Variants in BCAS3 observed in about 807,000 individuals in gnomAD.
BCAS3 encodes the protein BCAS3 microtubule associated cell migration factor, also known as BCAS4/BCAS3 fusion.
A neutral mutation model predicts 116.1 loss-of-function variants in BCAS3; 53 were observed. That is an observed-to-expected ratio of 0.46 (90% CI 0.37 to 0.57). BCAS3 has a LOEUF of 0.57. BCAS3 is among the 20% of genes least tolerant of loss of function. BCAS3 has a pLI of 0.00. For synonymous variants in BCAS3, 391 were observed against 408.2 expected, an observed-to-expected ratio of 0.96 and a Z score of 0.51; for missense variants, 917 against 1,165.4, an observed-to-expected ratio of 0.79 and a Z score of 3.10.
chr17:61,386,131 A>G (rs2059834005), intron 23 of BCAS3, among the ~76,000 whole-genome samples: 1 of 152,206 alleles, frequency 6.6e-6, no homozygotes, highest in Non-Finnish European at 1.5e-5. Context: ...CATTCTTAGA[A>G]CCAGGCCATG....
intron 6 of BCAS3, among the ~76,000 whole-genome samples, chr17:60,777,731 TC>T (rs1312273266): frequency 2.0e-5 from 3 of 151,998 alleles, no homozygotes; most frequent in African/African-American, 7.3e-5. Context: ...CTCTCTTCAT[TC>T]CCCCACTCTC....
At chr17:61,072,604 G>A (rs373933019) in intron 19 of BCAS3, among the ~76,000 whole-genome samples, 10 of 149,630 alleles carry the variant, frequency 6.7e-5, no homozygotes, top group South Asian at 6.3e-4. Context: ...AGCTAGTTAC[G>A]TAAGGCATGG....
chr17:60,716,586 A>AC (rs2038635609), intron 5 of BCAS3, among the ~76,000 whole-genome samples: 1 of 151,806 alleles, frequency 6.6e-6, no homozygotes, highest in African/African-American at 2.4e-5. Context: ...CTTGGGTGAG[A>AC]CCCCATCTCA....
rs1361499560 is a variant in BCAS3 at position 61,141,235 on chromosome 17, G to A, written c.2425+56671G>A. Among the ~76,000 whole-genome samples the A allele has an allele frequency of 6.6e-6, 1 of 152,090 alleles. No individual in the cohort carries two copies. Among genetic ancestry groups the A allele is most frequent in the East Asian group, 1.9e-4 (1 of 5,194 alleles). ...CTTTACATTCATATGTAGGGCATTTGGTTGCTTAAATATTGAAACAATTAT... is the reference window on the plus strand; with the variant it reads ...CTTTACATTCATATGTAGGGCATTTAGTTGCTTAAATATTGAAACAATTAT... On this transcript the variant is annotated intron_variant, in intron 22 of 23. Transcript: ENST00000407086. This position sits in a 1 kb window ranked among gnomAD's most constrained non-coding sequence, Gnocchi z 4.3.
At chr17:60,767,554 C>T (rs1469494506) in intron 6 of BCAS3, among the ~76,000 whole-genome samples, 2 of 151,824 alleles carry the variant, frequency 1.3e-5, no homozygotes, top group Non-Finnish European at 2.9e-5. Flanking sequence ...ACCATGCTGG[C>T]CAGGCTGGTG....
intron 14 of BCAS3, among the ~76,000 whole-genome samples, chr17:60,982,266 C>G (rs2145403870): frequency 6.6e-6 from 1 of 152,070 alleles, no homozygotes; most frequent in East Asian, 1.9e-4. Context: ...TATTGAATGT[C>G]ATTTTTCTTC....
chr17:61,135,765 CAG>C (rs1180026328), intron 22 of BCAS3: 5 of 152,218 alleles, frequency 3.3e-5, no homozygotes, highest in Admixed American at 2.6e-4. Context: ...TTTAATGCAA[CAG>C]AGTCATGTCT....
chr17:61,360,690 C>T (rs1047228452), intron 22 of BCAS3, among the ~76,000 whole-genome samples: 8 of 152,190 alleles, frequency 5.3e-5, no homozygotes, highest in African/African-American at 1.9e-4. Flanking sequence ...ACCCTAAACC[C>T]AGGATGATCT....
At chr17:61,046,047 A>AAT (rs1225972014) in intron 19 of BCAS3, among the ~76,000 whole-genome samples, 19 of 16,714 alleles carry the variant, frequency 1.1e-3, no homozygotes, top group Non-Finnish European at 6.7e-4. Flanking sequence ...ATATATATAT[A>AAT]ATATATATAT....
chr17:60,718,065 G>A (rs1215016926), intron 5 of BCAS3, among the ~76,000 whole-genome samples: 1 of 152,188 alleles, frequency 6.6e-6, no homozygotes, highest in Non-Finnish European at 1.5e-5. Context: ...TAATGCTGCT[G>A]CTGACCTGAC....
intron 7 of BCAS3, among the ~76,000 whole-genome samples, chr17:60,863,809 C>CA (rs1040218595): frequency 2.9e-4 from 44 of 150,450 alleles, no homozygotes; most frequent in Admixed American, 1.2e-3. Context: ...GGCATTATGT[C>CA]AAAAAAAAAT....
Position 61,335,576 on chromosome 17 carries a change from G to A in BCAS3, c.2426-32751G>A, listed in dbSNP as rs181664371. Among the ~76,000 whole-genome samples, 33 of 152,254 alleles carry A rather than the reference G, an allele frequency of 2.2e-4. No individual in the cohort carries two copies. The East Asian group carries it at 4.5e-3, about 21-fold the overall frequency. On this transcript the variant is annotated intron_variant, in intron 22 of 23. Coordinates refer to ENST00000407086, the MANE Select transcript of BCAS3 (RefSeq NM_017679.5). The stretch of plus-strand genomic sequence containing the variant: ...CCTAGGACTGTGCCTTCTCCTCTGG[G>A]TGCTGACTGACTTCTCTGAGAAATG...
rs961953926 is a variant in BCAS3 at position 61,325,055 on chromosome 17, A to G, written c.2426-43272A>G. Among the ~76,000 whole-genome samples, 7 of 152,170 alleles carry G rather than the reference A, an allele frequency of 4.6e-5. No individual in the cohort carries two copies. The highest frequency in any genetic ancestry group is 6.5e-5 in the Admixed American group (1 of 15,268). ...CTTCTCTTAAAACCATTTCCACTAG[A>G]GGCCATCCCACCATGCACAGTTAGC... On this transcript the variant is annotated intron_variant, in intron 22 of 23. Transcript: ENST00000407086. This position sits in a 1 kb window ranked among gnomAD's most constrained non-coding sequence, Gnocchi z 6.4.
At chr17:61,268,643 C>T (rs1211049560) in intron 22 of BCAS3, among the ~76,000 whole-genome samples, 1 of 151,798 alleles carries the variant, frequency 6.6e-6, no homozygotes, top group Middle Eastern at 3.4e-3. Flanking sequence ...AGTACAATCT[C>T]GGCTCCTGGG....
intron 10 of BCAS3, among the ~76,000 whole-genome samples, chr17:60,896,000 C>CTA (rs2057482807): frequency 6.6e-6 from 1 of 152,168 alleles, no homozygotes; most frequent in Admixed American, 6.5e-5. Context: ...ATAGAATGCT[C>CTA]TATAAGAGTC....
chr17:60,710,377 C>T (rs1598213872), intron 5 of BCAS3, among the ~76,000 whole-genome samples: 2 of 151,748 alleles, frequency 1.3e-5, no homozygotes, highest in East Asian at 3.9e-4. Flanking sequence ...AATTTGACCT[C>T]AGTAGTCTAA....
At chr17:60,928,230 T>G (rs9894263) in intron 13 of BCAS3, among the ~76,000 whole-genome samples, 27,674 of 152,116 alleles carry the variant, frequency 0.18, 2,803 homozygotes, top group African/African-American at 0.28. Context: ...AAGGACAGCA[T>G]GCTAGGGGAT....
chr17:60,683,492 G>A (rs2033501455), intron 2 of BCAS3, among the ~76,000 whole-genome samples: 1 of 122,702 alleles, frequency 8.1e-6, no homozygotes, highest in South Asian at 2.9e-4. Context: ...AATATCAGGT[G>A]ATAAGAGTTA....
chr17:61,350,369 C>T (rs567917706), intron 22 of BCAS3, among the ~76,000 whole-genome samples: 92 of 151,786 alleles, frequency 6.1e-4, no homozygotes, highest in Admixed American at 1.7e-3. Context: ...GAGCCAAGAT[C>T]GTGCCACTGC....
Sources: gnomAD v4.1 joint callset for allele counts (sites outside exome capture counted in the v4.1 genomes callset) on GRCh38, gnomAD v4.1.1 for gene constraint, Gnocchi (gnomAD v3.1) non-coding constraint, MANE v1.5 for transcripts, NCBI Gene and HGNC (gene_info 2026-07-23, HGNC 2026-07-21) for gene names.